The following RANBP3L variants were observed in gnomAD, a reference collection of about 807,000 sequenced individuals.
RANBP3L encodes RAN binding protein 3 like.
In RANBP3L, 56 loss-of-function variants were observed where a neutral mutation model predicts 67.2. That is an observed-to-expected ratio of 0.83 (90% CI 0.67 to 1.04). The LOEUF is 1.04. Ranked by LOEUF, RANBP3L falls within the 50% of genes least tolerant of loss-of-function variation. The probability of loss-of-function intolerance (pLI) is 0.00; values close to 1 mark genes in which losing one functional copy is unlikely to be tolerated. For synonymous variants in RANBP3L, 164 were observed against 181.4 expected (o/e 0.90, Z 0.77); for missense variants, 496 against 535.5 (o/e 0.93, Z 0.73).
rs77017787 is a variant in RANBP3L, at chr5:36,256,351, A to G, written c.903+590T>C. ...GAATGGAGAGAGTTTAGAGAAAAGC[A>G]GATGGAGAAAGGCAAAGGGAAATTT... On this transcript the variant is annotated intron_variant, in intron 10 of 13. Coordinates refer to ENST00000296604, the MANE Select transcript of RANBP3L (RefSeq NM_145000.5). 0.012 allele frequency among the ~76,000 whole-genome samples: 1,831 copies of G among 152,240 alleles called. 146 individuals are homozygous for G. In the East Asian group the frequency reaches 0.22, roughly 18 times the overall value.
At chr5:36,297,354 G>A (rs1264433357) in intron 1 of RANBP3L, among the ~76,000 whole-genome samples, 1 of 151,824 alleles carries the variant, frequency 6.6e-6, no homozygotes, top group African/African-American at 2.4e-5. Flanking sequence ...TCTCAAGGGT[G>A]GCAAAGGAAG....
chr5:36,280,610 A>C (rs1750904740), intron 1 of RANBP3L, among the ~76,000 whole-genome samples: 1 of 152,202 alleles, frequency 6.6e-6, no homozygotes, highest in South Asian at 2.1e-4. Context: ...AACTGAATTT[A>C]TATATGTATT....
At chr5:36,283,592 A>G (rs6871339) in intron 1 of RANBP3L, among the ~76,000 whole-genome samples, 9,352 of 151,300 alleles carry the variant, frequency 0.062, 982 homozygotes, top group African/African-American at 0.22. Flanking sequence ...CTGCCACTTT[A>G]TGTCTCTGCA....
At position 36,260,856 on chromosome 5, in the gene RANBP3L, G is replaced by C. The variant is rs1170734498; in HGVS notation, c.593C>G (p.Pro198Arg). Residue 198 changes from proline to arginine, a missense_variant, in exon 8 of 14, where the codon CCA (proline) becomes CGA (arginine). Physicochemically the swap from Pro to Arg is moderately radical, Grantham distance 103. Transcript: ENST00000296604. ...TTTAAAAGAACATTTATCTTCATTT[G>C]GTTGACATCTAAGAAAATGAAATAA... ...FLGATSVGCQ[P>R]NEDKCSFKSC... is the part of the protein sequence containing the mutation. 1 of 1,466,946 alleles carries C rather than the reference G, an allele frequency of 6.8e-7. No homozygotes were observed. Among genetic ancestry groups the C allele is most frequent in the African/African-American group, 1.4e-5 (1 of 71,786 alleles). The allele number at this position is 1,466,946 out of a possible 1,614,324, so 90.9% of individuals were successfully genotyped here. A position where few individuals can be genotyped will look rare whatever the true frequency, so the allele number is the denominator to read the frequency against.
At chr5:36,285,982 C>T (rs1751296617) in intron 1 of RANBP3L, among the ~76,000 whole-genome samples, 1 of 152,124 alleles carries the variant, frequency 6.6e-6, no homozygotes, top group African/African-American at 2.4e-5. Flanking sequence ...TGAAAGGTCC[C>T]AGTGTCCATT....
chr5:36,297,549 T>C (rs1159496334), intron 1 of RANBP3L, among the ~76,000 whole-genome samples: 1 of 152,190 alleles, frequency 6.6e-6, no homozygotes, highest in African/African-American at 2.4e-5. Flanking sequence ...TATGAGACCA[T>C]TTGTAAATTT....
chr5:36,258,001 C>G (rs1433515405), intron 8 of RANBP3L, among the ~76,000 whole-genome samples: 2 of 152,132 alleles, frequency 1.3e-5, no homozygotes, highest in African/African-American at 4.8e-5. Context: ...AGTGACAGCT[C>G]TGTATATAGT....
chr5:36,258,216 T>C (rs1579684715), intron 8 of RANBP3L, among the ~76,000 whole-genome samples: 1 of 152,326 alleles, frequency 6.6e-6, no homozygotes, highest in African/African-American at 2.4e-5. Flanking sequence ...ATGTCTGTTG[T>C]AATCAAGGCC....
intron 1 of RANBP3L, among the ~76,000 whole-genome samples, chr5:36,298,645 T>C (rs1419622044): frequency 1.3e-5 from 2 of 152,206 alleles, no homozygotes; most frequent in East Asian, 3.9e-4. Context: ...CAGCAAATAC[T>C]ACCCAGCTCA....
rs751664704 is a variant in RANBP3L, at chr5:36,249,647, G to A, written c.*7C>T. 18 of 1,509,174 alleles carry A rather than the reference G, an allele frequency of 1.2e-5. No homozygotes were observed. The South Asian group carries it at 2.1e-4, about 18-fold the overall frequency. The allele number at this position is 1,509,174 out of a possible 1,614,324, so 93.5% of individuals were successfully genotyped here. ...TTTGTAGATGTCATGTTTATAGTAGGTAGTATTCATGAACAGGCAACCGAC... is the reference window on the plus strand; with the variant it reads ...TTTGTAGATGTCATGTTTATAGTAGATAGTATTCATGAACAGGCAACCGAC... On this transcript the variant is annotated 3_prime_UTR_variant, in exon 14 of 14. Coordinates refer to ENST00000296604, the MANE Select transcript of RANBP3L (RefSeq NM_145000.5).
intron 13 of RANBP3L, 85 bp from the exon 14 acceptor site, chr5:36,249,782 T>C: frequency 1.7e-6 from 1 of 594,706 alleles, no homozygotes; most frequent in Non-Finnish European, 2.9e-6. Flanking sequence ...AACATGAATA[T>C]TAATGAATAT....
chr5:36,294,726 T>C (rs1752062992), intron 1 of RANBP3L, among the ~76,000 whole-genome samples: 1 of 150,646 alleles, frequency 6.6e-6, no homozygotes, highest in South Asian at 2.1e-4. Context: ...AGGCTGAAAA[T>C]TATTTGGTTT....
chr5:36,251,487 C>G lies in RANBP3L; in HGVS notation c.1180G>C (p.Asp394His), dbSNP rs1453212240. The change falls in exon 13 of 14, where the codon GAT (aspartate) becomes CAT (histidine). Residue 394 changes from aspartate (D) to histidine (H), a missense_variant. Coordinates refer to ENST00000296604, the MANE Select transcript of RANBP3L (RefSeq NM_145000.5). Reference protein sequence around the residue: ...KIFLIQASAQDTAYLYAAIHH... With the variant: ...KIFLIQASAQHTAYLYAAIHH... The stretch of plus-strand genomic sequence containing the variant: ...ATTGCTGCATACAAATATGCTGTAT[C>G]TTGGGCACTGGCCTGCATGAGGAAC... 6.2e-7 allele frequency: 1 copy of G among 1,607,726 alleles called. No individual in the cohort carries two copies. The highest frequency in any genetic ancestry group is 8.5e-7 in the Non-Finnish European group (1 of 1,175,826).
intron 6 of RANBP3L, among the ~76,000 whole-genome samples, chr5:36,263,368 A>G (rs1481454826): frequency 2.0e-5 from 3 of 152,172 alleles, no homozygotes; most frequent in Non-Finnish European, 4.4e-5. Context: ...AAAATATGCA[A>G]TGCAATATTT....
intron 1 of RANBP3L, among the ~76,000 whole-genome samples, chr5:36,273,762 G>A (rs1750388780): frequency 6.6e-6 from 1 of 152,124 alleles, no homozygotes; most frequent in Non-Finnish European, 1.5e-5. Flanking sequence ...TTCTACTGTA[G>A]TCATTAATCC....
At chr5:36,269,350 A>C (rs1218429969) in intron 4 of RANBP3L, 40 bp downstream of exon 4, 1 of 1,174,966 alleles carries the variant, frequency 8.5e-7, no homozygotes, top group African/African-American at 1.5e-5. Flanking sequence ...ATTCAGAATA[A>C]ACATAACAGT....
intron 1 of RANBP3L, among the ~76,000 whole-genome samples, chr5:36,294,988 A>C (rs1361478971): frequency 6.6e-6 from 1 of 150,472 alleles, no homozygotes. Context: ...ATACACACAC[A>C]TATATATACA....
intron 2 of RANBP3L, among the ~76,000 whole-genome samples, chr5:36,270,764 C>CG (rs1190771944): frequency 6.6e-6 from 1 of 151,776 alleles, no homozygotes; most frequent in Non-Finnish European, 1.5e-5. Flanking sequence ...TCGAAACATG[C>CG]GGGGATTACA....
At chr5:36,287,699 A>G (rs1158629464) in intron 1 of RANBP3L, among the ~76,000 whole-genome samples, 2 of 152,202 alleles carry the variant, frequency 1.3e-5, no homozygotes, top group Non-Finnish European at 1.5e-5. Flanking sequence ...AGTTCTTTTT[A>G]TTATACCTCA....
Sources: gnomAD v4.1 joint callset for allele counts (sites outside exome capture counted in the v4.1 genomes callset) on GRCh38, gnomAD v4.1.1 for gene constraint, MANE v1.5 for transcripts, NCBI Gene and HGNC (gene_info 2026-07-23, HGNC 2026-07-21) for gene names.